The following MYOM1 variants were observed in gnomAD, a reference collection of about 807,000 sequenced individuals.
MYOM1 encodes the protein myomesin 1.
Under a neutral mutation model 205.3 loss-of-function variants are expected in MYOM1, and 164 were observed. The observed-to-expected ratio is 0.80, with a 90% CI of 0.70 to 0.91. The LOEUF (loss-of-function observed/expected upper bound fraction) is 0.91. Ranked by LOEUF, MYOM1 falls within the 40% of genes least tolerant of loss-of-function variation. The probability of loss-of-function intolerance (pLI) is 0.00; values close to 1 mark genes in which losing one functional copy is unlikely to be tolerated. For missense variants in MYOM1, 2,011 were observed against 2,127.3 expected, an observed-to-expected ratio of 0.95 and a Z score of 1.08; for synonymous variants, 772 against 789.4, an observed-to-expected ratio of 0.98 and a Z score of 0.37.
intron 5 of MYOM1, 41 bp downstream of exon 5, chr18:3,187,439 T>C: frequency 6.3e-7 from 1 of 1,595,966 alleles, no homozygotes; most frequent in Non-Finnish European, 8.6e-7. Context: ...GAACTTAACT[T>C]GGTGTAATGA....
chr18:3,066,913 C>T lies in MYOM1; in HGVS notation c.*349G>A, dbSNP rs924518631. The stretch of plus-strand genomic sequence containing the variant: ...CACCTCTGTAACAACACACGAGACA[C>T]GGCCATGGCTTCACAGCTGCAGCAA... On this transcript the variant is annotated 3_prime_UTR_variant, in exon 38 of 38. Coordinates refer to ENST00000356443, the MANE Select transcript of MYOM1 (RefSeq NM_003803.4). 7.8e-6 allele frequency: 2 copies of T among 256,464 alleles called. No individual in the cohort carries two copies. Among genetic ancestry groups the T allele is most frequent in the South Asian group, 5.6e-5 (1 of 17,888 alleles). 15.9% of individuals were successfully genotyped at this position (256,464 alleles called of 1,614,324 possible).
intron 25 of MYOM1, 24 bp from the exon 26 acceptor site, chr18:3,094,330 A>G (rs985899999): frequency 7.6e-6 from 12 of 1,585,844 alleles, no homozygotes; most frequent in Non-Finnish European, 1.0e-5. Context: ...AAATAAACAC[A>G]GTAATTATAT....
In MYOM1 at chr18:3,176,072, C is replaced by G. The variant is rs199610460; in HGVS notation, c.992G>C (p.Arg331Pro). The G allele has an allele frequency of 2.5e-6, 4 of 1,605,406 alleles. No individual in the cohort carries two copies. In the East Asian group the frequency reaches 8.9e-5, roughly 36 times the overall value. The change falls in exon 6 of 38, where the codon CGA becomes CCA. Residue 331 changes from arginine to proline, a missense_variant. Physicochemically the swap from Arg to Pro is moderately radical, Grantham distance 103 (BLOSUM62 -2). Transcript: ENST00000356443. ...ANPGKYIIES[R>P]YGMHTLEING... is the part of the protein sequence containing the mutation. ...AATCTCCAGAGTGTGCATCCCATAT[C>G]GACTCTCAATAATATACTTTCCAGG...
rs966105442 is a variant in MYOM1, at chr18:3,135,950, C to G, written c.2026-220G>C. Among the ~76,000 whole-genome samples, 13 of 152,150 alleles carry G rather than the reference C, an allele frequency of 8.5e-5. No individual in the cohort carries two copies. The highest frequency in any genetic ancestry group is 3.1e-4 in the African/African-American group (13 of 41,430). ...GATACGGTTTGGCTGTGTCCCTGCC[C>G]AAATCTCATCTACAATTGTAGCTCC... On this transcript the variant is annotated intron_variant, in intron 14 of 37. Coordinates refer to ENST00000356443, the MANE Select transcript of MYOM1 (RefSeq NM_003803.4). This position sits in a 1 kb window ranked among gnomAD's most constrained non-coding sequence, Gnocchi z 4.1.
At chr18:3,235,875 G>A in the MYOM1 span, among the ~76,000 whole-genome samples, 1 of 152,236 alleles carries the variant, frequency 6.6e-6, no homozygotes, top group Admixed American at 6.5e-5. Flanking sequence ...TTGAAGATGC[G>A]AAAGAGTTGA....
chr18:3,095,517 G>A (rs1169163808), intron 25 of MYOM1, among the ~76,000 whole-genome samples: 1 of 152,128 alleles, frequency 6.6e-6, no homozygotes, highest in African/African-American at 2.4e-5. Context: ...GCAGTGAGCC[G>A]AGATCGCGCC....
In MYOM1 at chr18:3,179,731, G is replaced by T. The variant is rs1226977517; in HGVS notation, c.930-3597C>A. Reference sequence around the variant, plus strand: ...ATCCACTGGCCACTTCTAATCTCCCGCATTCCCCGTTTAGATGAAGTACAG... The same window carrying T: ...ATCCACTGGCCACTTCTAATCTCCCTCATTCCCCGTTTAGATGAAGTACAG... On this transcript the variant is annotated intron_variant, in intron 5 of 37. Transcript: ENST00000356443. This position sits in a 1 kb window ranked among gnomAD's most constrained non-coding sequence, Gnocchi z 4.4. Among the ~76,000 whole-genome samples the T allele has an allele frequency of 6.6e-6, 1 of 152,150 alleles. No homozygotes were observed. The highest frequency in any genetic ancestry group is 1.5e-5 in the Non-Finnish European group (1 of 68,020).
intron 21 of MYOM1, among the ~76,000 whole-genome samples, chr18:3,116,108 G>A (rs1015858316): frequency 6.6e-6 from 1 of 152,150 alleles, no homozygotes; most frequent in Non-Finnish European, 1.5e-5. Flanking sequence ...GAGCTGCTGG[G>A]TGCATTTCAA....
intron 29 of MYOM1, among the ~76,000 whole-genome samples, chr18:3,088,789 C>T (rs1420393472): frequency 6.6e-6 from 1 of 152,164 alleles, no homozygotes; most frequent in Non-Finnish European, 1.5e-5. Flanking sequence ...GGTATTGTTG[C>T]ACCAGCCTCA....
rs879026970 is a variant in MYOM1, at chr18:3,075,350, A to G, written c.4708+104T>C. 1.1e-5 allele frequency: 12 copies of G among 1,131,450 alleles called. No individual in the cohort carries two copies. In the South Asian group the frequency reaches 1.4e-4, roughly 13 times the overall value. 70.1% of individuals were successfully genotyped at this position (1,131,450 alleles called of 1,614,324 possible). A position where few individuals can be genotyped will look rare whatever the true frequency, so the allele number is the denominator to read the frequency against. On this transcript the variant is annotated intron_variant, in intron 36 of 37. Coordinates refer to ENST00000356443, the MANE Select transcript of MYOM1 (RefSeq NM_003803.4). ...CACCTAAGATTTAAAAAAGAAAAAA[A>G]CCACTTCCATTCTCCTCCATCTGTA...
intron 33 of MYOM1, among the ~76,000 whole-genome samples, chr18:3,082,276 G>A (rs926148037): frequency 5.9e-5 from 9 of 152,100 alleles, no homozygotes; most frequent in East Asian, 3.9e-4. Flanking sequence ...GACTTCACAC[G>A]GCTGGAATCC....
At chr18:3,241,564 G>A in the MYOM1 span, among the ~76,000 whole-genome samples, 23 of 152,232 alleles carry the variant, frequency 1.5e-4, no homozygotes, top group Admixed American at 1.0e-3. Flanking sequence ...CTGCAGGGGC[G>A]GGGCCCTCAT....
At chr18:3,129,574 G>C in intron 17 of MYOM1, 55 bp from the exon 18 acceptor site, 2 of 1,537,098 alleles carry the variant, frequency 1.3e-6, no homozygotes, top group South Asian at 2.5e-5. Flanking sequence ...AGTATCAGCT[G>C]CTCTTATAGG....
At chr18:3,154,724 T>G (rs1318395997) in intron 11 of MYOM1, among the ~76,000 whole-genome samples, 1 of 151,898 alleles carries the variant, frequency 6.6e-6, no homozygotes, top group East Asian at 1.9e-4. Flanking sequence ...TATATGTATG[T>G]ATGTATATGT....
intron 3 of MYOM1, chr18:3,190,300 C>G (rs1567959415): frequency 6.6e-6 from 1 of 152,158 alleles, no homozygotes; most frequent in Non-Finnish European, 1.5e-5. Context: ...GACATTGAGT[C>G]TCCTTAGACC....
At chr18:3,228,928 T>A in the MYOM1 span, among the ~76,000 whole-genome samples, 3 of 152,264 alleles carry the variant, frequency 2.0e-5, no homozygotes, top group Non-Finnish European at 4.4e-5. The surrounding 1 kb of genome is among the most constrained non-coding windows in gnomAD (Gnocchi z 4.5). Flanking sequence ...GATGCACCAG[T>A]ATTGCACTTG....
chr18:3,192,029 T>C (rs919316778), intron 3 of MYOM1, among the ~76,000 whole-genome samples: 92 of 152,230 alleles, frequency 6.0e-4, no homozygotes, highest in African/African-American at 2.2e-3. Flanking sequence ...TATTTGTAAA[T>C]GATCACTTCT....
At chr18:3,164,523 C>A in intron 9 of MYOM1, 84 bp from the exon 10 acceptor site, 1 of 1,280,398 alleles carries the variant, frequency 7.8e-7, no homozygotes, top group Non-Finnish European at 1.1e-6. Flanking sequence ...CTCTCCTTAG[C>A]CTTTTCTATA....
chr18:3,076,350 G>A (rs753752186), intron 34 of MYOM1, among the ~76,000 whole-genome samples: 8 of 152,216 alleles, frequency 5.3e-5, no homozygotes, highest in Non-Finnish European at 1.2e-4. Flanking sequence ...TTACAGGCAT[G>A]AGCCACTGCG....
Sources: gnomAD v4.1 joint callset for allele counts (sites outside exome capture counted in the v4.1 genomes callset) on GRCh38, gnomAD v4.1.1 for gene constraint, Gnocchi (gnomAD v3.1) non-coding constraint, MANE v1.5 for transcripts, NCBI Gene and HGNC (gene_info 2026-07-23, HGNC 2026-07-21) for gene names.